Variants in NLGN1 observed in about 807,000 individuals in gnomAD.
NLGN1 encodes neuroligin-1.
NLGN1 carries 12 observed loss-of-function variants against 65.5 expected under a neutral mutation model. The ratio of observed to expected loss-of-function variants is 0.18; its 90% CI spans 0.12 to 0.30. The LOEUF is 0.30. Among genes scored for constraint, NLGN1 ranks in the 10% least tolerant of loss-of-function variants. NLGN1 has a pLI of 1.00. For missense variants in NLGN1, 750 were observed against 1,007.1 expected (o/e 0.74, Z 3.46); for synonymous variants, 350 against 359.5 (o/e 0.97, Z 0.30).
intron 4 of NLGN1, among the ~76,000 whole-genome samples, chr3:174,041,186 TA>T (rs1732225983): frequency 1.3e-5 from 2 of 152,180 alleles, no homozygotes; most frequent in Non-Finnish European, 2.9e-5. Flanking sequence ...GGATTTTTTT[TA>T]AATTGTTTAA....
intron 4 of NLGN1, among the ~76,000 whole-genome samples, chr3:174,110,518 T>C (rs1292495685): frequency 1.1e-4 from 16 of 152,074 alleles, no homozygotes; most frequent in Admixed American, 9.2e-4. Flanking sequence ...AGCATTTTCG[T>C]TGGGTTTAAG....
chr3:174,250,366 T>C (rs1336852936), intron 4 of NLGN1, among the ~76,000 whole-genome samples: 6 of 152,230 alleles, frequency 3.9e-5, no homozygotes, highest in African/African-American at 1.4e-4. Flanking sequence ...TCTGGAAAGA[T>C]CAGACAAATA....
intron 4 of NLGN1, among the ~76,000 whole-genome samples, chr3:173,893,820 C>G (rs991217448): frequency 1.4e-4 from 21 of 152,248 alleles, no homozygotes; most frequent in African/African-American, 4.6e-4. Context: ...GATAGCTTGC[C>G]TATCATTTGT....
intron 4 of NLGN1, among the ~76,000 whole-genome samples, chr3:173,969,210 G>T (rs905556305): frequency 3.3e-5 from 5 of 152,068 alleles, no homozygotes; most frequent in Non-Finnish European, 5.9e-5. Context: ...AAATTATAAG[G>T]TGTTTTGATT....
chr3:173,731,224 T>G (rs1261176830), intron 3 of NLGN1, among the ~76,000 whole-genome samples: 1 of 152,136 alleles, frequency 6.6e-6, no homozygotes, highest in Non-Finnish European at 1.5e-5. Context: ...TTTCATTTTA[T>G]TCTTGAGTTC....
chr3:173,763,687 G>A (rs1778343789), intron 3 of NLGN1, among the ~76,000 whole-genome samples: 1 of 151,702 alleles, frequency 6.6e-6, no homozygotes, highest in South Asian at 2.1e-4. Flanking sequence ...GCAAACTCCT[G>A]TTTTCTACTA....
chr3:174,286,299 T>C (rs577332378), exon 7 of NLGN1: 53 of 151,404 alleles, frequency 3.5e-4, no homozygotes, highest in Admixed American at 1.7e-3. Context: ...TCAAACCAAA[T>C]TGCTAGCAGT....
intron 3 of NLGN1, among the ~76,000 whole-genome samples, chr3:173,630,259 A>C (rs1243858425): frequency 1.3e-5 from 2 of 152,146 alleles, no homozygotes; most frequent in Non-Finnish European, 2.9e-5. Context: ...ATTTCCCTCT[A>C]TTGACATCCT....
At position 174,107,297 on chromosome 3, in the gene NLGN1, G is replaced by A. The variant is rs575410273; in HGVS notation, c.647-168018G>A. 3.9e-5 allele frequency among the ~76,000 whole-genome samples: 6 copies of A among 152,048 alleles called. No homozygotes were observed. The South Asian group carries it at 1.2e-3, about 32-fold the overall frequency. On this transcript the variant is annotated intron_variant, in intron 4 of 6. Transcript: ENST00000457714. ...CCTCCAGCTCCACCCTCTCCTAAAC[G>A]TTACCTATGACAACCACTACTCTGT... is the stretch of plus-strand genomic sequence containing the variant.
chr3:173,965,930 A>G (rs1171421313), intron 4 of NLGN1, among the ~76,000 whole-genome samples: 1 of 152,152 alleles, frequency 6.6e-6, no homozygotes, highest in African/African-American at 2.4e-5. Context: ...TATTATATAC[A>G]TCTGTTTGTG....
chr3:173,747,093 AAC>A (rs1185478792), intron 3 of NLGN1, among the ~76,000 whole-genome samples: 2 of 136,062 alleles, frequency 1.5e-5, no homozygotes, highest in African/African-American at 2.9e-5. Flanking sequence ...CACACACACA[AAC>A]ACACACGTGT....
At chr3:173,499,136 A>G (rs1164671836) in intron 2 of NLGN1, among the ~76,000 whole-genome samples, 1 of 151,556 alleles carries the variant, frequency 6.6e-6, no homozygotes, top group African/African-American at 2.4e-5. Flanking sequence ...GCCCATGCCT[A>G]TGTCCTGAAT....
chr3:173,945,127 A>T (rs946409844), intron 4 of NLGN1, among the ~76,000 whole-genome samples: 1 of 151,820 alleles, frequency 6.6e-6, no homozygotes, highest in African/African-American at 2.4e-5. Context: ...TGATAGAAGG[A>T]CTTTAATCTA....
chr3:173,884,293 C>A (rs1402812684), intron 4 of NLGN1, among the ~76,000 whole-genome samples: 4 of 152,132 alleles, frequency 2.6e-5, no homozygotes, highest in Admixed American at 2.6e-4. Flanking sequence ...ACTGCAATTT[C>A]TGATTTGGTT....
intron 4 of NLGN1, among the ~76,000 whole-genome samples, chr3:174,211,722 T>C (rs1736596406): frequency 6.8e-6 from 1 of 146,784 alleles, no homozygotes; most frequent in Non-Finnish European, 1.5e-5. Context: ...ATCAGATTAG[T>C]TAGATACAGA....
At chr3:173,726,232 T>A (rs947319394) in intron 3 of NLGN1, among the ~76,000 whole-genome samples, 1 of 151,702 alleles carries the variant, frequency 6.6e-6, no homozygotes, top group Non-Finnish European at 1.5e-5. Flanking sequence ...AAGGTATTCT[T>A]CCTGGAACTT....
At chr3:173,925,497 A>G (rs998068527) in intron 4 of NLGN1, among the ~76,000 whole-genome samples, 9 of 152,190 alleles carry the variant, frequency 5.9e-5, no homozygotes, top group Non-Finnish European at 1.0e-4. Context: ...ATAGAGTAGT[A>G]ACAATTACTA....
chr3:173,997,180 T>C (rs896606606), intron 4 of NLGN1, among the ~76,000 whole-genome samples: 10 of 152,114 alleles, frequency 6.6e-5, no homozygotes, highest in African/African-American at 2.2e-4. Flanking sequence ...TTGAAGTGGA[T>C]GAGATAATAA....
chr3:173,739,535 G>A (rs1244072245), intron 3 of NLGN1, among the ~76,000 whole-genome samples: 2 of 152,050 alleles, frequency 1.3e-5, no homozygotes, highest in African/African-American at 2.4e-5. Flanking sequence ...TAAGCCATAG[G>A]GAGCTGCTGT....
Sources: allele counts gnomAD v4.1 joint callset (sites outside exome capture counted in the v4.1 genomes callset), GRCh38; gene constraint gnomAD v4.1.1; transcripts MANE v1.5; gene names NCBI Gene and HGNC (gene_info 2026-07-23, HGNC 2026-07-21).